Variants in CNTN5 observed in about 807,000 individuals in gnomAD.
CNTN5 encodes contactin 5.
CNTN5 carries 77 observed loss-of-function variants against 129.1 expected under a neutral mutation model. The observed-to-expected ratio is 0.60, with a 90% CI of 0.50 to 0.72. The LOEUF (loss-of-function observed/expected upper bound fraction) is 0.72, where lower values mean the gene tolerates loss of function less well. Ranked by LOEUF, CNTN5 falls within the 30% of genes least tolerant of loss-of-function variation. The probability of loss-of-function intolerance (pLI) is 0.00; values close to 1 mark genes in which losing one functional copy is unlikely to be tolerated. For missense variants in CNTN5, 1,478 were observed against 1,328.8 expected (o/e 1.11, Z -1.75); for synonymous variants, 509 against 465.6 (o/e 1.09, Z -1.20).
chr11:99,691,720 T>C (rs1954046873), intron 3 of CNTN5, among the ~76,000 whole-genome samples: 1 of 152,162 alleles, frequency 6.6e-6, no homozygotes, highest in Admixed American at 6.5e-5. Flanking sequence ...GAAGAATGTA[T>C]ATTCTGTTCT....
chr11:99,731,532 C>G (rs766520979), intron 3 of CNTN5, among the ~76,000 whole-genome samples: 1 of 152,130 alleles, frequency 6.6e-6, no homozygotes, highest in African/African-American at 2.4e-5. Context: ...TATTTAGAGA[C>G]TCAAAATTCC....
chr11:99,475,732 T>C (rs1215671050), intron 2 of CNTN5, among the ~76,000 whole-genome samples: 1 of 152,138 alleles, frequency 6.6e-6, no homozygotes, highest in Non-Finnish European at 1.5e-5. Flanking sequence ...TGCATTTAAG[T>C]TTCTAATTCT....
At chr11:99,234,560 TTTG>T (rs1861169875) in intron 1 of CNTN5, among the ~76,000 whole-genome samples, 1 of 151,862 alleles carries the variant, frequency 6.6e-6, no homozygotes, top group South Asian at 2.1e-4. Flanking sequence ...ATTGAAATAA[TTTG>T]TTTTGTGAGT....
chr11:99,597,957 C>T (rs895091915), intron 3 of CNTN5, among the ~76,000 whole-genome samples: 10 of 152,096 alleles, frequency 6.6e-5, no homozygotes, highest in Admixed American at 1.3e-4. Flanking sequence ...GCATCAGCTA[C>T]GCAGAAATAG....
At chr11:99,680,895 A>T (rs1332347094) in intron 3 of CNTN5, among the ~76,000 whole-genome samples, 1 of 151,938 alleles carries the variant, frequency 6.6e-6, no homozygotes, top group Non-Finnish European at 1.5e-5. Flanking sequence ...TTTGATAAGG[A>T]TTCACCACTC....
intron 1 of CNTN5, among the ~76,000 whole-genome samples, chr11:99,069,831 T>G (rs967953445): frequency 3.3e-5 from 5 of 152,194 alleles, no homozygotes; most frequent in African/African-American, 1.2e-4. Flanking sequence ...CATCCTTGGC[T>G]TTCTGCAAAC....
chr11:99,599,945 C>G (rs1294525240), intron 3 of CNTN5, among the ~76,000 whole-genome samples: 2 of 151,984 alleles, frequency 1.3e-5, no homozygotes, highest in African/African-American at 4.8e-5. Flanking sequence ...ATGGGGTCAT[C>G]TACTTTAAAA....
intron 8 of CNTN5, among the ~76,000 whole-genome samples, chr11:99,974,387 T>C (rs930318007): frequency 8.5e-5 from 13 of 152,206 alleles, no homozygotes; most frequent in Non-Finnish European, 1.9e-4. Flanking sequence ...GTGATTGTTT[T>C]ATCTACTGTA....
intron 1 of CNTN5, among the ~76,000 whole-genome samples, chr11:99,085,951 T>A (rs1865989018): frequency 6.6e-6 from 1 of 152,136 alleles, no homozygotes; most frequent in Non-Finnish European, 1.5e-5. Context: ...CCTGCAGTAT[T>A]CAGAACAGTA....
At chr11:100,337,162 G>A (rs1405049569) in intron 21 of CNTN5, 1 of 1,449,670 alleles carries the variant, frequency 6.9e-7, no homozygotes, top group Non-Finnish European at 9.7e-7. Context: ...ACCCATGAAT[G>A]TTCACCAGTG....
At chr11:99,404,651 C>A (rs112672006) in intron 2 of CNTN5, among the ~76,000 whole-genome samples, 1 of 152,010 alleles carries the variant, frequency 6.6e-6, no homozygotes, top group South Asian at 2.1e-4. Flanking sequence ...AGACTGTATG[C>A]CTTAACTTCA....
chr11:99,704,800 A>C (rs1035928504), intron 3 of CNTN5, among the ~76,000 whole-genome samples: 5 of 151,342 alleles, frequency 3.3e-5, no homozygotes, highest in African/African-American at 1.2e-4. Context: ...GAGTAAAAAA[A>C]TAAAAAATGC....
rs59171240 is a variant in CNTN5 at position 99,988,851 on chromosome 11, T to TTGTGTG, written c.878-13161_878-13156dup. ...CCTTCCAGATGGGGTGTGTGTGTGT[T>TTGTGTG]TGTGTGTGTGTGTGTGTGTGTGTGT... On this transcript the variant is annotated intron_variant, in intron 8 of 24. Transcript: ENST00000524871. Among the ~76,000 whole-genome samples the TTGTGTG allele has an allele frequency of 3.6e-4, 54 of 150,144 alleles. 1 individual carries two copies. Among genetic ancestry groups the TTGTGTG allele is most frequent in the African/African-American group, 1.2e-3 (48 of 40,882 alleles).
chr11:99,162,515 A>T (rs1020697153), intron 1 of CNTN5, among the ~76,000 whole-genome samples: 3 of 152,182 alleles, frequency 2.0e-5, no homozygotes, highest in African/African-American at 7.2e-5. Flanking sequence ...TCCTTGCATT[A>T]AAATATACCT....
At chr11:99,789,809 C>T (rs145413544) in intron 3 of CNTN5, among the ~76,000 whole-genome samples, 264 of 151,848 alleles carry the variant, frequency 1.7e-3, no homozygotes, top group Non-Finnish European at 2.8e-3. Flanking sequence ...GGGATATATG[C>T]GCAGGTTTGT....
chr11:99,553,983 CACACACACACACAT>C lies in CNTN5; in HGVS notation c.-70-2148_-70-2135del, dbSNP rs1317840649. Among the ~76,000 whole-genome samples, 294 of 149,026 alleles carry C rather than the reference CACACACACACACAT, an allele frequency of 2.0e-3. 2 individuals are homozygous for C. The highest frequency in any genetic ancestry group is 6.8e-3 in the East Asian group (31 of 4,582). ...AAATGAATACACACACACACACACA[CACACACACACACAT>C]ACACACACACACACTTCTTCTTTTA... On this transcript the variant is annotated intron_variant, in intron 2 of 24. Transcript: ENST00000524871.
At chr11:99,502,390 G>A (rs546153574) in intron 2 of CNTN5, among the ~76,000 whole-genome samples, 1 of 152,102 alleles carries the variant, frequency 6.6e-6, no homozygotes, top group African/African-American at 2.4e-5. Context: ...AGGGAGGGAC[G>A]AGATGGAGGT....
chr11:100,093,635 C>T (rs533907841), intron 13 of CNTN5, among the ~76,000 whole-genome samples: 1 of 152,118 alleles, frequency 6.6e-6, no homozygotes, highest in East Asian at 1.9e-4. Context: ...TATAATAAAG[C>T]AAGCCAGGGT....
intron 3 of CNTN5, among the ~76,000 whole-genome samples, chr11:99,720,384 C>T (rs1009664911): frequency 1.3e-5 from 2 of 152,092 alleles, no homozygotes; most frequent in Non-Finnish European, 2.9e-5. Flanking sequence ...TGATTCATTA[C>T]ATAAACAGAA....
Sources: gnomAD v4.1 joint callset for allele counts (sites outside exome capture counted in the v4.1 genomes callset) on GRCh38, gnomAD v4.1.1 for gene constraint, MANE v1.5 for transcripts, NCBI Gene and HGNC (gene_info 2026-07-23, HGNC 2026-07-21) for gene names.